The following NUMB variants were observed in gnomAD, a reference collection of about 807,000 sequenced individuals.
NUMB encodes the protein protein numb homolog.
NUMB carries 29 observed loss-of-function variants against 59.7 expected under a neutral mutation model. The ratio of observed to expected loss-of-function variants is 0.49; its 90% confidence interval spans 0.36 to 0.66. The LOEUF (loss-of-function observed/expected upper bound fraction) is 0.66, where lower values mean the gene tolerates loss of function less well. Among genes scored for constraint, NUMB ranks in the 30% least tolerant of loss-of-function variants. NUMB has a pLI of 0.00. For synonymous variants in NUMB, 288 were observed against 288.2 expected, an observed-to-expected ratio of 1.00 and a Z score of 0.01; for missense variants, 723 against 822.0, an observed-to-expected ratio of 0.88 and a Z score of 1.47.
chr14:73,448,181 T>C (rs567018355), intron 1 of NUMB, among the ~76,000 whole-genome samples: 1 of 152,242 alleles, frequency 6.6e-6, no homozygotes, highest in Non-Finnish European at 1.5e-5. Context: ...GAAATATCTT[T>C]CCTTCATACC....
chr14:73,404,764 TTTC>T (rs1377233422), intron 2 of NUMB, among the ~76,000 whole-genome samples: 3 of 152,082 alleles, frequency 2.0e-5, no homozygotes, highest in Non-Finnish European at 4.4e-5. Flanking sequence ...CTAAAATGAT[TTTC>T]TTTTTTTTTT....
At chr14:73,353,069 C>CTTTTTTTT (rs1566756859) in intron 4 of NUMB, among the ~76,000 whole-genome samples, 4 of 18,082 alleles carry the variant, frequency 2.2e-4, no homozygotes, top group Non-Finnish European at 3.1e-4. Context: ...CACAGTTTTT[C>CTTTTTTTT]TTGTTTTTTT....
chr14:73,347,565 G>A (rs1156833968), intron 4 of NUMB, among the ~76,000 whole-genome samples: 1 of 152,168 alleles, frequency 6.6e-6, no homozygotes, highest in Non-Finnish European at 1.5e-5. Context: ...ACTCAGGATT[G>A]CACTGCAAGT....
chr14:73,441,302 T>C (rs776065523), intron 1 of NUMB, among the ~76,000 whole-genome samples: 5 of 152,048 alleles, frequency 3.3e-5, no homozygotes, highest in Non-Finnish European at 7.4e-5. Context: ...GTAATCCCAG[T>C]ACTTTGGGAG....
At chr14:73,390,287 C>G (rs995887787) in intron 2 of NUMB, among the ~76,000 whole-genome samples, 1 of 152,120 alleles carries the variant, frequency 6.6e-6, no homozygotes, top group East Asian at 1.9e-4. Context: ...CTAAGAGGAG[C>G]CCCTCCTCCA....
intron 1 of NUMB, among the ~76,000 whole-genome samples, chr14:73,410,832 T>C (rs1426544879): frequency 1.3e-5 from 2 of 152,228 alleles, no homozygotes; most frequent in African/African-American, 4.8e-5. Context: ...ATTCAACTAA[T>C]ATTTATTAGG....
At chr14:73,429,329 G>A (rs1318300301) in intron 1 of NUMB, among the ~76,000 whole-genome samples, 2 of 151,690 alleles carry the variant, frequency 1.3e-5, no homozygotes, top group Non-Finnish European at 3.0e-5. Context: ...CAGAGATCAC[G>A]CCACTGCACT....
At chr14:73,352,466 A>C (rs1893383319) in intron 4 of NUMB, among the ~76,000 whole-genome samples, 1 of 29,966 alleles carries the variant, frequency 3.3e-5, no homozygotes, top group Non-Finnish European at 7.7e-5. Context: ...ACATACACAC[A>C]CACACACACA....
intron 2 of NUMB, among the ~76,000 whole-genome samples, chr14:73,395,742 G>A (rs1000854549): frequency 6.6e-6 from 1 of 152,134 alleles, no homozygotes; most frequent in African/African-American, 2.4e-5. Context: ...TTAAAAGTAG[G>A]TATTCATATG....
chr14:73,441,928 T>C (rs1448347471), intron 1 of NUMB, among the ~76,000 whole-genome samples: 1 of 151,958 alleles, frequency 6.6e-6, no homozygotes, highest in Admixed American at 6.6e-5. Context: ...TTGGCGACAA[T>C]GCAGAAAAAC....
At chr14:73,457,132 A>T (rs1368254945) in intron 1 of NUMB, among the ~76,000 whole-genome samples, 1 of 152,158 alleles carries the variant, frequency 6.6e-6, no homozygotes, top group African/African-American at 2.4e-5. Flanking sequence ...AACTTAGCTA[A>T]GTGGTGGAAC....
chr14:73,374,795 A>G (rs1343824118), intron 2 of NUMB, among the ~76,000 whole-genome samples: 1 of 140,670 alleles, frequency 7.1e-6, no homozygotes, highest in Non-Finnish European at 1.5e-5. Context: ...ATCTCAGCTC[A>G]CTGCAACCTC....
intron 1 of NUMB, among the ~76,000 whole-genome samples, chr14:73,449,416 G>A (rs1883773307): frequency 6.6e-6 from 1 of 151,968 alleles, no homozygotes; most frequent in African/African-American, 2.4e-5. Flanking sequence ...CTAATACAAT[G>A]TAAAAGCTAT....
chr14:73,414,457 G>A (rs1897033253), intron 1 of NUMB, among the ~76,000 whole-genome samples: 1 of 152,138 alleles, frequency 6.6e-6, no homozygotes, highest in Non-Finnish European at 1.5e-5. Context: ...GCAGTGGTGT[G>A]ATCATGGCTC....
chr14:73,403,211 C>T (rs1048550640), intron 2 of NUMB, among the ~76,000 whole-genome samples: 1 of 152,158 alleles, frequency 6.6e-6, no homozygotes, highest in African/African-American at 2.4e-5. Context: ...CATCTTAAGA[C>T]CATGAAAGGC....
chr14:73,424,385 T>A (rs1050131143), intron 1 of NUMB, among the ~76,000 whole-genome samples: 8 of 152,138 alleles, frequency 5.3e-5, no homozygotes, highest in Non-Finnish European at 8.8e-5. Context: ...ATAATTTTTT[T>A]AAAAACCTTT....
intron 1 of NUMB, among the ~76,000 whole-genome samples, chr14:73,418,137 G>A (rs1005862800): frequency 6.6e-6 from 1 of 152,024 alleles, no homozygotes; most frequent in Non-Finnish European, 1.5e-5. Flanking sequence ...ACATAAAATG[G>A]AATATTCAGC....
chr14:73,330,483 C>T (rs974984893), intron 4 of NUMB, among the ~76,000 whole-genome samples: 5 of 152,122 alleles, frequency 3.3e-5, no homozygotes, highest in Non-Finnish European at 2.9e-5. Context: ...GGGATCAAAT[C>T]CTTGATTTGC....
intron 6 of NUMB, among the ~76,000 whole-genome samples, chr14:73,306,489 C>G (rs902708722): frequency 2.0e-5 from 3 of 152,196 alleles, no homozygotes; most frequent in Non-Finnish European, 4.4e-5. Flanking sequence ...AAATCTGGGT[C>G]TCATCTTCTG....
Sources: gnomAD v4.1 joint callset for allele counts (sites outside exome capture counted in the v4.1 genomes callset) on GRCh38, gnomAD v4.1.1 for gene constraint, MANE v1.5 for transcripts, NCBI Gene and HGNC (gene_info 2026-07-23, HGNC 2026-07-21) for gene names.